The following PREP variants were observed in gnomAD, a reference collection of about 807,000 sequenced individuals.
The protein encoded by PREP is dJ355L5.1 (prolyl endopeptidase).
A neutral mutation model predicts 87.6 loss-of-function variants in PREP; 29 were observed. That is an observed-to-expected ratio of 0.33 (90% CI 0.25 to 0.45). PREP has a LOEUF of 0.45. Ranked by LOEUF, PREP falls within the 20% of genes least tolerant of loss-of-function variation. PREP has a pLI of 1.00. For synonymous variants in PREP, 337 were observed against 328.6 expected (o/e 1.03, Z -0.28); for missense variants, 695 against 886.5 (o/e 0.78, Z 2.74).
chr6:105,335,387 A>G (rs751442816), intron 7 of PREP, among the ~76,000 whole-genome samples: 5 of 152,196 alleles, frequency 3.3e-5, no homozygotes, highest in Non-Finnish European at 7.3e-5. Context: ...TTTTACATTC[A>G]TTATCTCATT....
intron 8 of PREP, 69 bp from the exon 9 acceptor site, chr6:105,329,095 A>C (rs1011480493): frequency 7.1e-7 from 1 of 1,411,598 alleles, no homozygotes; most frequent in African/African-American, 1.4e-5. Context: ...TTAATTGAGC[A>C]ACAGTTCCAG....
intron 10 of PREP, among the ~76,000 whole-genome samples, 154 bp downstream of exon 10, chr6:105,323,511 G>A (rs1229577410): frequency 1.3e-5 from 2 of 152,162 alleles, no homozygotes; most frequent in Non-Finnish European, 2.9e-5. Context: ...GCTGAATCCT[G>A]AGTGTTTGGC....
In PREP at chr6:105,366,806, G is replaced by A. The variant is rs1039396986; in HGVS notation, c.717+2097C>T. Among the ~76,000 whole-genome samples, 7 of 152,162 alleles carry A rather than the reference G, an allele frequency of 4.6e-5. No individual in the cohort carries two copies. The South Asian group carries it at 1.5e-3, about 32-fold the overall frequency. On this transcript the variant is annotated intron_variant, in intron 6 of 14. Coordinates refer to ENST00000652536, the MANE Select transcript of PREP (RefSeq NM_002726.5). The stretch of plus-strand genomic sequence containing the variant: ...GATGGCTGAAGCTTGAAGATGTTAC[G>A]CTAAATGAACTAAGCCAGTCACAAA...
chr6:105,341,652 AAAG>A (rs758396200), intron 7 of PREP, among the ~76,000 whole-genome samples: 11 of 152,360 alleles, frequency 7.2e-5, no homozygotes, highest in South Asian at 4.1e-4. Context: ...CAAGACTAAT[AAAG>A]TAGAAAAGAG....
At position 105,401,134 on chromosome 6, in the gene PREP, T is replaced by A. The variant is rs150930801; in HGVS notation, c.45+1713A>T. 6.8e-4 allele frequency among the ~76,000 whole-genome samples: 103 copies of A among 152,336 alleles called. No individual in the cohort carries two copies. The East Asian group carries it at 0.015, about 22-fold the overall frequency. ...CCACAGTATACCCTTCCGAGTTGTT[T>A]ATAATCTTTTAGACGTCTTCATAAA... On this transcript the variant is annotated intron_variant, in intron 1 of 14. Transcript: ENST00000652536.
chr6:105,368,755 A>G, intron 6 of PREP, 148 bp downstream of exon 6: 1 of 916,022 alleles, frequency 1.1e-6, no homozygotes. Flanking sequence ...CATTATTAAG[A>G]GTCAATCTGA....
intron 10 of PREP, among the ~76,000 whole-genome samples, chr6:105,312,445 G>T (rs1254732648): frequency 6.6e-6 from 1 of 152,168 alleles, no homozygotes. Flanking sequence ...CAACATAAAT[G>T]ATGAAGCTTT....
intron 10 of PREP, among the ~76,000 whole-genome samples, chr6:105,309,672 G>C (rs1770721788): frequency 1.3e-5 from 2 of 152,144 alleles, no homozygotes; most frequent in East Asian, 3.8e-4. Context: ...CACAGAAGGA[G>C]AGCAAGGAGC....
rs371132400 is a variant in PREP at position 105,333,489 on chromosome 6, T to C, written c.840A>G (p.Val280=). The change falls in exon 8 of 15, where the codon GTA becomes GTG. Residue 280 remains valine, a synonymous_variant. Transcript: ENST00000652536. The part of the protein sequence containing the change: ...SSGIAGILKW[V]KLIDNFEGEY... ...CCCCTTCAAAGTTGTCAATCAGTTTTACCCACTTCAGGATTCCTGGCAAGA... is the reference window on the plus strand; with the variant it reads ...CCCCTTCAAAGTTGTCAATCAGTTTCACCCACTTCAGGATTCCTGGCAAGA... The C allele has an allele frequency of 2.4e-5, 39 of 1,614,176 alleles. No individual in the cohort carries two copies. Among genetic ancestry groups the C allele is most frequent in the Admixed American group, 6.7e-5 (4 of 60,024 alleles).
At chr6:105,384,206 C>T (rs1270230423) in intron 2 of PREP, among the ~76,000 whole-genome samples, 1 of 152,180 alleles carries the variant, frequency 6.6e-6, no homozygotes, top group Middle Eastern at 3.4e-3. Context: ...GGTGAGGCTG[C>T]GGCTCATCTC....
At chr6:105,369,139 G>A (rs974075691) in intron 5 of PREP, 115 bp from the exon 6 acceptor site, 12 of 1,042,122 alleles carry the variant, frequency 1.2e-5, no homozygotes, top group South Asian at 3.4e-5. Context: ...CAGGATACAA[G>A]GTTAACATAC....
intron 10 of PREP, among the ~76,000 whole-genome samples, chr6:105,299,932 T>C (rs889257594): frequency 9.2e-5 from 14 of 151,852 alleles, no homozygotes; most frequent in Admixed American, 8.5e-4. Context: ...AATCTCACTC[T>C]GTTGTCCAGG....
chr6:105,342,287 G>A (rs1217226422), intron 7 of PREP, among the ~76,000 whole-genome samples: 1 of 151,542 alleles, frequency 6.6e-6, no homozygotes, highest in Non-Finnish European at 1.5e-5. Flanking sequence ...CAAAAACCAC[G>A]ATTATCCCAA....
intron 7 of PREP, among the ~76,000 whole-genome samples, chr6:105,334,214 A>T (rs986670658): frequency 5.9e-5 from 9 of 152,208 alleles, no homozygotes; most frequent in Non-Finnish European, 4.4e-5. Flanking sequence ...CTTCTCCATT[A>T]TACTTGAAAT....
At chr6:105,305,945 G>C (rs1008094154) in intron 10 of PREP, among the ~76,000 whole-genome samples, 4 of 151,896 alleles carry the variant, frequency 2.6e-5, no homozygotes, top group African/African-American at 9.7e-5. Flanking sequence ...GGACTCAAGG[G>C]ATCCTTGTGC....
At chr6:105,396,942 G>C (rs1773299575) in intron 2 of PREP, among the ~76,000 whole-genome samples, 1 of 152,100 alleles carries the variant, frequency 6.6e-6, no homozygotes, top group Admixed American at 6.5e-5. Context: ...CCAACACTTT[G>C]GGAGGCCGAG....
intron 2 of PREP, among the ~76,000 whole-genome samples, chr6:105,390,504 C>T (rs1324989241): frequency 2.6e-5 from 4 of 152,208 alleles, no homozygotes; most frequent in Non-Finnish European, 4.4e-5. Flanking sequence ...TTAGCTAACT[C>T]ATGTGCCCAA....
intron 10 of PREP, among the ~76,000 whole-genome samples, chr6:105,295,705 A>G (rs1770395627): frequency 6.6e-6 from 1 of 152,210 alleles, no homozygotes; most frequent in Admixed American, 6.5e-5. Flanking sequence ...TCAAATACAC[A>G]TAGGAGTTAT....
At position 105,355,065 on chromosome 6, in the gene PREP, G is replaced by C. The variant is rs111642383; in HGVS notation, c.718-1988C>G. Reference sequence around the variant, plus strand: ...AAAACATGAACAGGTCTGAGTAAGGGAGACAGGATATGGTGGTCGGGTTGT... The same window carrying C: ...AAAACATGAACAGGTCTGAGTAAGGCAGACAGGATATGGTGGTCGGGTTGT... On this transcript the variant is annotated intron_variant, in intron 6 of 14. Coordinates refer to ENST00000652536, the MANE Select transcript of PREP (RefSeq NM_002726.5). 4.9e-3 allele frequency among the ~76,000 whole-genome samples: 739 copies of C among 151,446 alleles called. 2 individuals carry two copies. Among genetic ancestry groups the C allele is most frequent in the African/African-American group, 0.017 (683 of 41,290 alleles).
Sources: gnomAD v4.1 joint callset for allele counts (sites outside exome capture counted in the v4.1 genomes callset) on GRCh38, gnomAD v4.1.1 for gene constraint, MANE v1.5 for transcripts, NCBI Gene and HGNC (gene_info 2026-07-23, HGNC 2026-07-21) for gene names.